Variants in BTBD1 observed in about 807,000 individuals in gnomAD.
BTBD1 encodes the protein BTB domain containing 1.
In BTBD1, 34 loss-of-function variants were observed where a neutral mutation model predicts 48.0. The ratio of observed to expected loss-of-function variants is 0.71; its 90% CI spans 0.54 to 0.94. The LOEUF is 0.94. BTBD1 is among the 40% of genes least tolerant of loss of function. The pLI is 0.00. For missense variants in BTBD1, 543 were observed against 625.6 expected (o/e 0.87, Z 1.41); for synonymous variants, 261 against 242.1 (o/e 1.08, Z -0.72).
At chr15:83,062,566 G>C (rs1173223413) in intron 1 of BTBD1, among the ~76,000 whole-genome samples, 1 of 152,192 alleles carries the variant, frequency 6.6e-6, no homozygotes, top group Non-Finnish European at 1.5e-5. Flanking sequence ...ATTTAAGTGA[G>C]ATCACAAAGG....
At chr15:83,018,925 C>T in intron 6 of BTBD1, 72 bp from the exon 7 acceptor site, 2 of 1,162,570 alleles carry the variant, frequency 1.7e-6, no homozygotes, top group Non-Finnish European at 1.2e-6. Flanking sequence ...TAATATAAAG[C>T]CCTTAGCAAT....
intron 3 of BTBD1, 47 bp from the exon 4 acceptor site, chr15:83,041,972 T>C (rs1459176807): frequency 6.5e-7 from 1 of 1,545,470 alleles, no homozygotes; most frequent in South Asian, 1.1e-5. Flanking sequence ...ATTTTAGCTC[T>C]CTAACCAAGC....
chr15:83,030,133 T>C lies in BTBD1; in HGVS notation c.1055+3A>G, dbSNP rs374422936. On this transcript the variant is annotated splice_donor_region_variant and intron_variant, in intron 5 of 7. Coordinates refer to ENST00000261721, the MANE Select transcript of BTBD1 (RefSeq NM_025238.4). ...ACCCCCGCATCCCCAATATAACAGA[T>C]ACCTGATTCGATCACTCGTCCCACT... 1.9e-6 allele frequency: 3 copies of C among 1,613,684 alleles called. No homozygotes were observed. The highest frequency in any genetic ancestry group is 2.2e-5 in the East Asian group (1 of 44,868).
chr15:83,033,594 A>T (rs2032565525), intron 4 of BTBD1, among the ~76,000 whole-genome samples: 1 of 152,080 alleles, frequency 6.6e-6, no homozygotes, highest in Non-Finnish European at 1.5e-5. Context: ...TTATTTATTT[A>T]TTTAGAGACA....
intron 3 of BTBD1, among the ~76,000 whole-genome samples, chr15:83,047,035 C>CAACAAATATCAGCTG (rs2151308995): frequency 6.6e-6 from 1 of 152,282 alleles, no homozygotes; most frequent in African/African-American, 2.4e-5. Flanking sequence ...TCCAGTTAAT[C>CAACAAATATCAGCTG]AACAAATATC....
intron 3 of BTBD1, among the ~76,000 whole-genome samples, chr15:83,046,069 C>G (rs1365204026): frequency 6.6e-6 from 1 of 152,000 alleles, no homozygotes; most frequent in East Asian, 1.9e-4. Context: ...TGAAGCCAGC[C>G]CTTTCTTTCA....
At chr15:83,062,489 G>C (rs2033191911) in intron 1 of BTBD1, among the ~76,000 whole-genome samples, 1 of 152,136 alleles carries the variant, frequency 6.6e-6, no homozygotes, top group African/African-American at 2.4e-5. Flanking sequence ...TTTATTTATA[G>C]CATTAATATG....
intron 5 of BTBD1, chr15:83,022,369 A>G (rs1000909983): frequency 2.0e-5 from 3 of 152,026 alleles, no homozygotes; most frequent in African/African-American, 7.2e-5. Context: ...TGTTATTTAT[A>G]ATTTTTTATT....
rs1405843210 is a variant in BTBD1 at position 83,051,903 on chromosome 15, C to CACACACACACACAT, written c.559-1726_559-1725insATGTGTGTGTGTGT. Among the ~76,000 whole-genome samples, 54 of 151,420 alleles carry CACACACACACACAT rather than the reference C, an allele frequency of 3.6e-4. No individual in the cohort carries two copies. The East Asian group carries it at 0.01, about 29-fold the overall frequency. ...ACACACACACACACACACACACACA[C>CACACACACACACAT]ATCTATCTGGGAGGAGAGACTAAAC... is the stretch of plus-strand genomic sequence containing the variant. On this transcript the variant is annotated intron_variant, in intron 2 of 7. Transcript: ENST00000261721.
intron 2 of BTBD1, among the ~76,000 whole-genome samples, chr15:83,052,633 T>A (rs965304509): frequency 7.9e-5 from 4 of 50,500 alleles, no homozygotes; most frequent in Non-Finnish European, 1.9e-4. Context: ...ATCAACAGAT[T>A]TTTTTTTTTT....
In BTBD1 at chr15:83,067,155, C is replaced by G. The variant is rs1373982932; in HGVS notation, c.-4G>C. On this transcript the variant is annotated 5_prime_UTR_variant, in exon 1 of 8. Coordinates refer to ENST00000261721, the MANE Select transcript of BTBD1 (RefSeq NM_025238.4). ...CGGCAGGCCCGAGTGAGGCCATCCT[C>G]CAGCTGCGCGGTTGCCCACGTTATG... 4 of 1,420,746 alleles carry G rather than the reference C, an allele frequency of 2.8e-6. No homozygotes were observed. The highest frequency in any genetic ancestry group is 3.7e-6 in the Non-Finnish European group (4 of 1,092,770). The allele number at this position is 1,420,746 out of a possible 1,614,324, so 88.0% of individuals were successfully genotyped here.
intron 4 of BTBD1, among the ~76,000 whole-genome samples, chr15:83,032,969 C>CAAAAAAAAAAAAAA (rs56152195): frequency 3.2e-4 from 28 of 86,978 alleles, no homozygotes; most frequent in African/African-American, 9.5e-4. Context: ...TACTCTGTCT[C>CAAAAAAAAAAAAAA]AAAAAAAAAA....
At chr15:83,023,276 G>A (rs1461055977) in intron 5 of BTBD1, among the ~76,000 whole-genome samples, 1 of 152,098 alleles carries the variant, frequency 6.6e-6, no homozygotes, top group Non-Finnish European at 1.5e-5. Flanking sequence ...ATAATGCCAT[G>A]AGGAACAATC....
intron 6 of BTBD1, among the ~76,000 whole-genome samples, chr15:83,019,882 A>C (rs1261289497): frequency 2.0e-5 from 3 of 146,650 alleles, no homozygotes; most frequent in Non-Finnish European, 4.5e-5. Flanking sequence ...AGGCAGGAGA[A>C]TTGTGTGAAC....
chr15:83,030,202 C>G lies in BTBD1; in HGVS notation c.989G>C (p.Cys330Ser). 1 of 1,614,084 alleles carries G rather than the reference C, an allele frequency of 6.2e-7. No individual in the cohort carries two copies. Among genetic ancestry groups the G allele is most frequent in the Non-Finnish European group, 8.5e-7 (1 of 1,180,028 alleles). ...RPRCCLRGKECCINRFQQVES... is the reference protein window; with the variant it reads ...RPRCCLRGKESCINRFQQVES... ...TACTTGCTGGAATCTATTGATGCAGCATTCCTTTCCCCTGAGACAGCATCT... is the reference window on the plus strand; with the variant it reads ...TACTTGCTGGAATCTATTGATGCAGGATTCCTTTCCCCTGAGACAGCATCT... Residue 330 changes from cysteine to serine, a missense_variant, in exon 5 of 8, where the codon TGC becomes TCC. Physicochemically the swap from Cys to Ser is moderately radical, Grantham distance 112. Transcript: ENST00000261721.
intron 1 of BTBD1, among the ~76,000 whole-genome samples, chr15:83,057,800 C>A (rs542062820): frequency 6.6e-6 from 1 of 152,368 alleles, no homozygotes; most frequent in Admixed American, 6.5e-5. Flanking sequence ...TGATTAAACT[C>A]CGTCTCCAAC....
rs1054879673 is a variant in BTBD1 at position 83,066,109 on chromosome 15, T to C, written c.401+642A>G. 5.9e-5 allele frequency among the ~76,000 whole-genome samples: 9 copies of C among 151,618 alleles called. No homozygotes were observed. The South Asian group carries it at 1.3e-3, about 21-fold the overall frequency. On this transcript the variant is annotated intron_variant, in intron 1 of 7. Coordinates refer to ENST00000261721, the MANE Select transcript of BTBD1 (RefSeq NM_025238.4). Reference sequence around the variant, plus strand: ...GAGTCCGAGACCAGCCTGGGCAACATAGTGAAACCCTCTCTCTACCAAAAA... The same window carrying C: ...GAGTCCGAGACCAGCCTGGGCAACACAGTGAAACCCTCTCTCTACCAAAAA...
chr15:83,052,021 A>G (rs1057200103), intron 2 of BTBD1, among the ~76,000 whole-genome samples: 3 of 151,930 alleles, frequency 2.0e-5, no homozygotes, highest in African/African-American at 4.8e-5. Flanking sequence ...CAGTGGCACA[A>G]TCTCGGCTTA....
At chr15:83,030,074 A>AG in intron 5 of BTBD1, 62 bp downstream of exon 5, 1 of 1,443,136 alleles carries the variant, frequency 6.9e-7, no homozygotes, top group Non-Finnish European at 9.7e-7. Flanking sequence ...ATAATATATA[A>AG]AAAAGGCCAA....
Sources: allele counts gnomAD v4.1 joint callset (sites outside exome capture counted in the v4.1 genomes callset), GRCh38; gene constraint gnomAD v4.1.1; transcripts MANE v1.5; gene names NCBI Gene and HGNC (gene_info 2026-07-23, HGNC 2026-07-21).